The following DNAJC6 variants were observed in gnomAD, a reference collection of about 807,000 sequenced individuals.
DNAJC6 encodes the protein DnaJ heat shock protein family (Hsp40) member C6.
In DNAJC6, 34 loss-of-function variants were observed where a neutral mutation model predicts 110.0. The observed-to-expected ratio is 0.31, with a 90% CI of 0.24 to 0.41. The LOEUF (loss-of-function observed/expected upper bound fraction) is 0.41. Ranked by LOEUF, DNAJC6 falls within the 10% of genes least tolerant of loss-of-function variation. The pLI is 1.00. For missense variants in DNAJC6, 1,031 were observed against 1,207.8 expected (o/e 0.85, Z 2.17); for synonymous variants, 406 against 437.2 (o/e 0.93, Z 0.89).
At chr1:65,365,382 T>C (rs1424494260) in intron 2 of DNAJC6, among the ~76,000 whole-genome samples, 1 of 152,208 alleles carries the variant, frequency 6.6e-6, no homozygotes, top group Non-Finnish European at 1.5e-5. Context: ...AATATGCAGT[T>C]CTTAATCAGA....
chr1:65,389,955 G>A (rs1372767269), intron 11 of DNAJC6, among the ~76,000 whole-genome samples: 1 of 151,980 alleles, frequency 6.6e-6, no homozygotes. Context: ...CAAGGTTGCA[G>A]TGAGCTATGA....
At position 65,320,084 on chromosome 1, in the gene DNAJC6, C is replaced by T. The variant is rs191972404; in HGVS notation, c.193+10146C>T. On this transcript the variant is annotated intron_variant, in intron 1 of 18. Coordinates refer to ENST00000371069, the MANE Select transcript of DNAJC6 (RefSeq NM_001256864.2). ...AAGGTGTGAAGACTGGTGTCACTTT[C>T]CAATTTAGGCAATTGCATCTGGCTT... Among the ~76,000 whole-genome samples, 6 of 152,332 alleles carry T rather than the reference C, an allele frequency of 3.9e-5. No homozygotes were observed. In the East Asian group the frequency reaches 1.2e-3, roughly 29 times the overall value.
intron 1 of DNAJC6, among the ~76,000 whole-genome samples, chr1:65,342,874 G>A (rs1018941026): frequency 1.3e-5 from 2 of 152,144 alleles, no homozygotes; most frequent in Admixed American, 1.3e-4. Context: ...GGCTTACCCT[G>A]GTAAGTGTCA....
intron 4 of DNAJC6, among the ~76,000 whole-genome samples, chr1:65,374,428 C>CT (rs1188907229): frequency 1.3e-5 from 2 of 151,772 alleles, no homozygotes; most frequent in Admixed American, 6.6e-5. Flanking sequence ...AATACCTTTC[C>CT]TTTTTTTGTG....
At chr1:65,313,333 C>T (rs536716870) in intron 1 of DNAJC6, among the ~76,000 whole-genome samples, 115 of 151,840 alleles carry the variant, frequency 7.6e-4, no homozygotes, top group African/African-American at 2.7e-3. Flanking sequence ...CCAAAGTGCT[C>T]GGATTACAGA....
intron 16 of DNAJC6, among the ~76,000 whole-genome samples, chr1:65,406,535 T>C (rs1395920494): frequency 2.0e-5 from 3 of 152,178 alleles, no homozygotes; most frequent in African/African-American, 7.2e-5. Flanking sequence ...GTTATTCCTT[T>C]GGAAGAGGAA....
chr1:65,399,569 A>G (rs1646010969), intron 14 of DNAJC6, among the ~76,000 whole-genome samples: 1 of 152,176 alleles, frequency 6.6e-6, no homozygotes, highest in Non-Finnish European at 1.5e-5. Flanking sequence ...TTACCCTGCC[A>G]ATAATTTCCA....
rs898272703 is a variant in DNAJC6 at position 65,406,649 on chromosome 1, G to A, written c.2491+516G>A. Among the ~76,000 whole-genome samples, 10 of 152,264 alleles carry A rather than the reference G, an allele frequency of 6.6e-5. No individual in the cohort carries two copies. The South Asian group carries it at 8.3e-4, about 13-fold the overall frequency. On this transcript the variant is annotated intron_variant, in intron 16 of 18. Transcript: ENST00000371069. ...TCTTGGAAAACTTGGTCTTTCTTAT[G>A]CTCTGCTTGGTGGATTCCTGAGATC... is the stretch of plus-strand genomic sequence containing the variant.
chr1:65,299,053 A>G lies in DNAJC6; in HGVS notation c.-131+34121A>G, dbSNP rs780632596. 3 of 152,250 alleles carry G rather than the reference A, an allele frequency of 2.0e-5. 1 individual carries two copies. Among genetic ancestry groups the G allele is most frequent in the South Asian group, 4.1e-4 (2 of 4,832 alleles). 9.4% of individuals were successfully genotyped at this position (152,250 alleles called of 1,614,324 possible). On this transcript the variant is annotated intron_variant, in intron 1 of 19. Coordinates refer to the DNAJC6 transcript ENST00000263441. ...GATGATGGAGAAATGGACCAACTTG[A>G]TAAGTATTGATGCTGAGTGATACAT...
Position 65,414,008 on chromosome 1 carries a change from G to C in DNAJC6, c.*983G>C, listed in dbSNP as rs1252837253. The C allele has an allele frequency of 6.6e-6, 1 of 152,188 alleles. No homozygotes were observed. Among genetic ancestry groups the C allele is most frequent in the African/African-American group, 2.4e-5 (1 of 41,416 alleles). 9.4% of individuals were successfully genotyped at this position (152,188 alleles called of 1,614,324 possible). A position where few individuals can be genotyped will look rare whatever the true frequency, so the allele number is the denominator to read the frequency against. On this transcript the variant is annotated 3_prime_UTR_variant, in exon 19 of 19. Coordinates refer to ENST00000371069, the MANE Select transcript of DNAJC6 (RefSeq NM_001256864.2). ...AGCAGTTGTGGTAAGAGAATGGAAGGCAACACTGAATAGGAGTTAAGGGAA... is the reference window on the plus strand; with the variant it reads ...AGCAGTTGTGGTAAGAGAATGGAAGCCAACACTGAATAGGAGTTAAGGGAA...
intron 1 of DNAJC6, among the ~76,000 whole-genome samples, chr1:65,345,232 G>A (rs1645426534): frequency 2.8e-5 from 1 of 36,280 alleles, no homozygotes; most frequent in Non-Finnish European, 5.3e-5. Context: ...TCCCTTTCGT[G>A]TGTGTGTGTG....
At chr1:65,321,622 A>G (rs1645198171) in intron 1 of DNAJC6, among the ~76,000 whole-genome samples, 1 of 152,196 alleles carries the variant, frequency 6.6e-6, no homozygotes. Flanking sequence ...CTCTCCCATT[A>G]TCAACATCCC....
At position 65,366,116 on chromosome 1, in the gene DNAJC6, T is replaced by C. The variant is rs1645644053; in HGVS notation, c.463T>C (p.Leu155=). The C allele has an allele frequency of 1.2e-6, 2 of 1,613,822 alleles. No homozygotes were observed. The highest frequency in any genetic ancestry group is 8.5e-7 in the Non-Finnish European group (1 of 1,179,860). ...TCAGGTTGATGACATTCGAAGCTTT[T>C]TGGATTCCAGACATCTTGACCACTA... ...RNQVDDIRSF[L]DSRHLDHYTV... Residue 155 remains leucine (L), a synonymous_variant, in exon 4 of 19, where the codon TTG becomes CTG. Coordinates refer to ENST00000371069, the MANE Select transcript of DNAJC6 (RefSeq NM_001256864.2).
At chr1:65,362,253 T>G (rs1377228001) in intron 1 of DNAJC6, among the ~76,000 whole-genome samples, 2 of 148,394 alleles carry the variant, frequency 1.3e-5, no homozygotes, top group Non-Finnish European at 3.0e-5. Context: ...ATATTATCTA[T>G]TTCATTGGGA....
At chr1:65,295,923 C>T (rs911634386) in intron 1 of DNAJC6, among the ~76,000 whole-genome samples, 3 of 152,220 alleles carry the variant, frequency 2.0e-5, no homozygotes, top group African/African-American at 7.2e-5. Flanking sequence ...ACCAACACCA[C>T]TATGCTCTCC....
intron 15 of DNAJC6, among the ~76,000 whole-genome samples, chr1:65,402,684 C>T (rs2101630317): frequency 6.6e-6 from 1 of 152,340 alleles, no homozygotes; most frequent in East Asian, 1.9e-4. Context: ...TCTGTGATCT[C>T]AGAAAGCCCT....
At chr1:65,338,623 C>G (rs978901172) in intron 1 of DNAJC6, among the ~76,000 whole-genome samples, 1 of 152,112 alleles carries the variant, frequency 6.6e-6, no homozygotes, top group African/African-American at 2.4e-5. Context: ...GTCCCTGCCC[C>G]CTCTACCCTG....
intron 1 of DNAJC6, among the ~76,000 whole-genome samples, chr1:65,278,781 G>T (rs1653754651): frequency 6.6e-6 from 1 of 152,198 alleles, no homozygotes; most frequent in African/African-American, 2.4e-5. Context: ...GGGACTGGGG[G>T]AATGTCTCAT....
intron 17 of DNAJC6, among the ~76,000 whole-genome samples, chr1:65,410,973 T>C (rs1336665181): frequency 6.6e-6 from 1 of 152,180 alleles, no homozygotes; most frequent in Non-Finnish European, 1.5e-5. Flanking sequence ...AGTATAACTC[T>C]GGGGGTGGGG....
Sources: gnomAD v4.1 joint callset for allele counts (sites outside exome capture counted in the v4.1 genomes callset) on GRCh38, gnomAD v4.1.1 for gene constraint, MANE v1.5 for transcripts, NCBI Gene and HGNC (gene_info 2026-07-23, HGNC 2026-07-21) for gene names.